The following DIS3L2 variants were observed in gnomAD, a reference collection of about 807,000 sequenced individuals.
DIS3L2 encodes DIS3 like 3'-5' exoribonuclease 2.
Under a neutral mutation model 97.5 loss-of-function variants are expected in DIS3L2, and 34 were observed. That is an observed-to-expected ratio of 0.35 (90% CI 0.27 to 0.46). The LOEUF (loss-of-function observed/expected upper bound fraction) is 0.46, where lower values mean the gene tolerates loss of function less well. DIS3L2 is among the 20% of genes least tolerant of loss of function. The probability of loss-of-function intolerance (pLI) is 1.00; values close to 1 mark genes in which losing one functional copy is unlikely to be tolerated. For missense variants in DIS3L2, 1,038 were observed against 1,146.0 expected (o/e 0.91, Z 1.36); for synonymous variants, 435 against 445.2 (o/e 0.98, Z 0.29).
At chr2:232,297,368 C>T (rs971443209) in intron 13 of DIS3L2, among the ~76,000 whole-genome samples, 1 of 152,168 alleles carries the variant, frequency 6.6e-6, no homozygotes, top group Non-Finnish European at 1.5e-5. Flanking sequence ...GACCCAGTGA[C>T]ACCTTTCATG....
At chr2:232,016,603 C>T (rs567792888) in intron 3 of DIS3L2, among the ~76,000 whole-genome samples, 10 of 152,118 alleles carry the variant, frequency 6.6e-5, no homozygotes, top group East Asian at 1.9e-4. Flanking sequence ...GAGGCAGTGG[C>T]GCTAACGAAA....
At position 232,087,616 on chromosome 2, in the gene DIS3L2, G is replaced by C. The variant is rs1430562058; in HGVS notation, c.496G>C (p.Val166Leu). 6.2e-7 allele frequency: 1 copy of C among 1,614,010 alleles called. No individual in the cohort carries two copies. Among genetic ancestry groups the C allele is most frequent in the African/African-American group, 1.3e-5 (1 of 74,916 alleles). The change falls in exon 6 of 21, where the codon GTA (valine) becomes CTA (leucine). Residue 166 changes from valine (V) to leucine (L), a missense_variant. Coordinates refer to ENST00000325385, the MANE Select transcript of DIS3L2 (RefSeq NM_152383.5). ...KSYNDSPDVI[V>L]EAQFDGSDSE... The stretch of plus-strand genomic sequence containing the variant: ...CTATAATGACAGTCCTGATGTCATT[G>C]TAGAGGCTCAGTTTGATGGCAGCGA...
chr2:232,088,779 T>G (rs1696746601), intron 6 of DIS3L2, among the ~76,000 whole-genome samples: 1 of 152,162 alleles, frequency 6.6e-6, no homozygotes, highest in African/African-American at 2.4e-5. Flanking sequence ...TGACCACACT[T>G]GAAGAGACTT....
chr2:231,979,765 A>G (rs1693199009), intron 1 of DIS3L2, among the ~76,000 whole-genome samples: 1 of 151,962 alleles, frequency 6.6e-6, no homozygotes, highest in African/African-American at 2.4e-5. Flanking sequence ...TTTAGAAGAG[A>G]TGGAGTTTCA....
rs578121246 is a variant in DIS3L2 at position 232,216,132 on chromosome 2, TGTTGCTTTCTCACTTCCC to T, written c.1204+5748_1204+5765del. On this transcript the variant is annotated intron_variant, in intron 10 of 20. Coordinates refer to ENST00000325385, the MANE Select transcript of DIS3L2 (RefSeq NM_152383.5). ...CCTTGGAAGAGTTGTCTTTACTTGCTGTTGCTTTCTCACTTCCCGTTGCTTTCTCACTTCCCGTGTATT... is the reference window on the plus strand; with the variant it reads ...CCTTGGAAGAGTTGTCTTTACTTGCTGTTGCTTTCTCACTTCCCGTGTATT... Among the ~76,000 whole-genome samples, 445 of 152,380 alleles carry T rather than the reference TGTTGCTTTCTCACTTCCC, an allele frequency of 2.9e-3. 1 individual carries two copies. The highest frequency in any genetic ancestry group is 4.8e-3 in the Non-Finnish European group (328 of 68,044).
intron 14 of DIS3L2, 28 bp from the exon 15 acceptor site, chr2:232,329,785 T>TGCCCGGGGGGGGG: frequency 2.0e-4 from 190 of 967,016 alleles, no homozygotes; most frequent in Middle Eastern, 3.5e-4. Context: ...ACCCCAGCGG[T>TGCCCGGGGGGGGG]CCCTCCCATC....
intron 14 of DIS3L2, among the ~76,000 whole-genome samples, chr2:232,311,053 T>C (rs991701731): frequency 6.6e-6 from 1 of 152,146 alleles, no homozygotes; most frequent in Non-Finnish European, 1.5e-5. Flanking sequence ...TCGGCAGAGG[T>C]TTCCCATGCT....
intron 13 of DIS3L2, among the ~76,000 whole-genome samples, chr2:232,342,240 C>CACAT (rs1696123379): frequency 7.5e-6 from 1 of 134,212 alleles, no homozygotes; most frequent in South Asian, 2.2e-4. Context: ...TATACACATA[C>CACAT]ACATATATAC....
chr2:232,141,114 C>T (rs1690023893), intron 8 of DIS3L2, among the ~76,000 whole-genome samples: 1 of 152,174 alleles, frequency 6.6e-6, no homozygotes, highest in Admixed American at 6.5e-5. Flanking sequence ...TTCCCAACCT[C>T]TTAAATCATC....
At chr2:232,273,190 G>T (rs1694050802) in intron 13 of DIS3L2, among the ~76,000 whole-genome samples, 3 of 152,048 alleles carry the variant, frequency 2.0e-5, no homozygotes, top group Admixed American at 2.0e-4. Flanking sequence ...GGGTTTCCCT[G>T]ATACTTTATT....
At chr2:232,197,316 G>A (rs1691781604) in intron 9 of DIS3L2, among the ~76,000 whole-genome samples, 1 of 152,142 alleles carries the variant, frequency 6.6e-6, no homozygotes, top group Admixed American at 6.5e-5. Context: ...TATTAACTAT[G>A]TCACTTCTGG....
chr2:232,267,891 C>A (rs962350734), intron 13 of DIS3L2, among the ~76,000 whole-genome samples: 1 of 152,168 alleles, frequency 6.6e-6, no homozygotes, highest in African/African-American at 2.4e-5. Context: ...AGAAAAGATA[C>A]CAAGGGAGGG....
chr2:232,313,146 G>A (rs1448621407), intron 14 of DIS3L2, among the ~76,000 whole-genome samples: 2 of 152,000 alleles, frequency 1.3e-5, no homozygotes, highest in African/African-American at 4.8e-5. Context: ...AATAATAATA[G>A]GCATTTATGT....
chr2:232,028,025 G>A (rs995284465), intron 4 of DIS3L2, among the ~76,000 whole-genome samples: 7 of 152,092 alleles, frequency 4.6e-5, no homozygotes, highest in African/African-American at 7.2e-5. Flanking sequence ...AATGCATCGT[G>A]TCATAGGAGG....
At chr2:232,304,795 G>A (rs1203021661) in intron 14 of DIS3L2, among the ~76,000 whole-genome samples, 2 of 152,172 alleles carry the variant, frequency 1.3e-5, no homozygotes, top group Non-Finnish European at 2.9e-5. Context: ...TTATGTCTGA[G>A]TGGATTCATT....
chr2:232,045,697 TAG>T (rs990597115), intron 5 of DIS3L2, among the ~76,000 whole-genome samples: 20 of 118,498 alleles, frequency 1.7e-4, no homozygotes, highest in Non-Finnish European at 3.0e-4. Context: ...TTTTTTGAGA[TAG>T]AGTCTCGCTC....
At chr2:232,291,196 G>A (rs549087006) in intron 13 of DIS3L2, among the ~76,000 whole-genome samples, 94 of 152,266 alleles carry the variant, frequency 6.2e-4, no homozygotes, top group South Asian at 3.9e-3. Flanking sequence ...AAAGTCCACA[G>A]CATCTTTGTC....
At chr2:232,189,269 A>C (rs1392865494) in intron 9 of DIS3L2, among the ~76,000 whole-genome samples, 2 of 152,256 alleles carry the variant, frequency 1.3e-5, no homozygotes, top group Admixed American at 6.5e-5. Flanking sequence ...AAAAACCTGT[A>C]CATGAATTTC....
At chr2:232,182,883 G>A (rs1292496005) in intron 9 of DIS3L2, among the ~76,000 whole-genome samples, 3 of 152,096 alleles carry the variant, frequency 2.0e-5, no homozygotes, top group Non-Finnish European at 2.9e-5. Context: ...AAGGTTTGCT[G>A]TTATTGCTGT....
Sources: gnomAD v4.1 joint callset for allele counts (sites outside exome capture counted in the v4.1 genomes callset) on GRCh38, gnomAD v4.1.1 for gene constraint, MANE v1.5 for transcripts, NCBI Gene and HGNC (gene_info 2026-07-23, HGNC 2026-07-21) for gene names.